Variants in MAML2 observed in about 807,000 individuals in gnomAD.
MAML2 encodes the protein mastermind like transcriptional coactivator 2.
In MAML2, 22 loss-of-function variants were observed where a neutral mutation model predicts 96.1. The ratio of observed to expected loss-of-function variants is 0.23; its 90% confidence interval spans 0.16 to 0.33. The LOEUF is 0.33. Ranked by LOEUF, MAML2 falls within the 10% of genes least tolerant of loss-of-function variation. MAML2 has a pLI of 1.00. For missense variants in MAML2, 1,367 were observed against 1,392.4 expected (o/e 0.98, Z 0.29); for synonymous variants, 561 against 521.3 (o/e 1.08, Z -1.04).
intron 2 of MAML2, among the ~76,000 whole-genome samples, chr11:96,040,723 T>C (rs1270165892): frequency 6.6e-6 from 1 of 152,128 alleles, no homozygotes; most frequent in African/African-American, 2.4e-5. Context: ...GCCGAGATCG[T>C]GCCACTGCAC....
chr11:96,275,581 T>C (rs1243782388), intron 1 of MAML2, among the ~76,000 whole-genome samples: 1 of 152,196 alleles, frequency 6.6e-6, no homozygotes, highest in East Asian at 1.9e-4. Flanking sequence ...AATTTTTCTT[T>C]CTTTTTGTAC....
chr11:96,029,512 T>A (rs1590970109), intron 2 of MAML2, among the ~76,000 whole-genome samples: 1 of 152,146 alleles, frequency 6.6e-6, no homozygotes, highest in Non-Finnish European at 1.5e-5. Flanking sequence ...AAGGCAAAAA[T>A]TATGCCTTCC....
At chr11:96,089,169 A>C (rs546976243) in intron 2 of MAML2, among the ~76,000 whole-genome samples, 2 of 152,308 alleles carry the variant, frequency 1.3e-5, no homozygotes, top group South Asian at 4.1e-4. Context: ...CATCGGTAAC[A>C]GAGATTTAGC....
intron 1 of MAML2, among the ~76,000 whole-genome samples, chr11:96,170,082 A>G (rs1261847899): frequency 6.6e-6 from 1 of 152,236 alleles, no homozygotes; most frequent in Non-Finnish European, 1.5e-5. Context: ...AAGAGGATAC[A>G]GGTTCAGAGA....
chr11:96,144,519 T>C (rs1027080583), intron 1 of MAML2, among the ~76,000 whole-genome samples: 5 of 152,184 alleles, frequency 3.3e-5, no homozygotes, highest in African/African-American at 4.8e-5. Context: ...TCAATCCCTA[T>C]ATAATTCCTC....
chr11:95,990,643 C>T (rs1219450125), intron 3 of MAML2, among the ~76,000 whole-genome samples: 1 of 152,100 alleles, frequency 6.6e-6, no homozygotes, highest in Non-Finnish European at 1.5e-5. Context: ...GTTTATGGCT[C>T]TCCCCTCATT....
intron 1 of MAML2, among the ~76,000 whole-genome samples, chr11:96,162,467 A>T (rs1330413493): frequency 3.3e-5 from 5 of 152,056 alleles, no homozygotes; most frequent in African/African-American, 1.2e-4. Flanking sequence ...TAATCCTAGC[A>T]CTTTGGGAGG....
At chr11:96,080,324 A>T (rs1249678854) in intron 2 of MAML2, among the ~76,000 whole-genome samples, 1 of 152,210 alleles carries the variant, frequency 6.6e-6, no homozygotes, top group African/African-American at 2.4e-5. Flanking sequence ...ACTAAAAATG[A>T]TGAAAGTGGT....
At chr11:96,047,307 T>C (rs1208008759) in intron 2 of MAML2, among the ~76,000 whole-genome samples, 2 of 152,174 alleles carry the variant, frequency 1.3e-5, no homozygotes, top group Non-Finnish European at 2.9e-5. Context: ...CTCAACTAAC[T>C]CACCTCCCAA....
intron 2 of MAML2, among the ~76,000 whole-genome samples, chr11:96,032,886 A>C (rs1858640948): frequency 1.3e-5 from 2 of 152,186 alleles, no homozygotes; most frequent in Admixed American, 1.3e-4. Context: ...AGGTGGGGGA[A>C]GAGGTTGAAT....
intron 1 of MAML2, among the ~76,000 whole-genome samples, chr11:96,163,694 C>G (rs537375661): frequency 3.3e-5 from 5 of 152,116 alleles, no homozygotes; most frequent in Non-Finnish European, 7.4e-5. Flanking sequence ...GTAGGTTGTC[C>G]AAACCTTTGG....
At chr11:96,228,418 A>T (rs550364501) in intron 1 of MAML2, among the ~76,000 whole-genome samples, 126 of 140,570 alleles carry the variant, frequency 9.0e-4, no homozygotes, top group Middle Eastern at 4.3e-3. Context: ...AGAGAAATGA[A>T]GTCACACTCA....
At chr11:96,032,768 T>C (rs1159665497) in intron 2 of MAML2, among the ~76,000 whole-genome samples, 1 of 152,182 alleles carries the variant, frequency 6.6e-6, no homozygotes, top group Non-Finnish European at 1.5e-5. Context: ...TCAAGTGCGC[T>C]ATGCTAAGTG....
At chr11:96,054,314 G>C (rs1421647936) in intron 2 of MAML2, among the ~76,000 whole-genome samples, 1 of 152,154 alleles carries the variant, frequency 6.6e-6, no homozygotes, top group African/African-American at 2.4e-5. Flanking sequence ...AGCTCACTAG[G>C]ACAGTAAAAT....
At chr11:96,280,988 GAACT>G (rs909601186) in intron 1 of MAML2, among the ~76,000 whole-genome samples, 7 of 152,126 alleles carry the variant, frequency 4.6e-5, no homozygotes, top group African/African-American at 7.2e-5. Context: ...TCAGATGAAT[GAACT>G]AATAAAACTT....
chr11:96,051,947 T>C (rs1858996945), intron 2 of MAML2, among the ~76,000 whole-genome samples: 1 of 152,226 alleles, frequency 6.6e-6, no homozygotes, highest in Non-Finnish European at 1.5e-5. Context: ...TGGCATTGTA[T>C]GTCTTCAAGG....
At chr11:96,173,409 CCTGGAGATAAAGGCCTGGAG>C (rs1410636082) in intron 1 of MAML2, among the ~76,000 whole-genome samples, 17 of 152,102 alleles carry the variant, frequency 1.1e-4, no homozygotes, top group Non-Finnish European at 2.5e-4. Flanking sequence ...CCTGGGAAGT[CCTGGAGATAAAGGCCTGGAG>C]CTCAGGGCAG....
chr11:96,056,223 T>G (rs1940156), intron 2 of MAML2, among the ~76,000 whole-genome samples: 20,369 of 152,164 alleles, frequency 0.13, 1,609 homozygotes, highest in South Asian at 0.2. Flanking sequence ...TAGCACTCAT[T>G]TGTGAGTGTG....
chr11:96,269,047 T>C (rs1185158916), intron 1 of MAML2, among the ~76,000 whole-genome samples: 1 of 145,162 alleles, frequency 6.9e-6, no homozygotes, highest in Non-Finnish European at 1.5e-5. Flanking sequence ...TGAAACAATA[T>C]AATGTTGGCA....
Sources: gnomAD v4.1 joint callset for allele counts (sites outside exome capture counted in the v4.1 genomes callset) on GRCh38, gnomAD v4.1.1 for gene constraint, MANE v1.5 for transcripts, NCBI Gene and HGNC (gene_info 2026-07-23, HGNC 2026-07-21) for gene names.